The following TENM3 variants were observed in gnomAD, a reference collection of about 807,000 sequenced individuals.
The protein encoded by TENM3 is teneurin transmembrane protein 3.
TENM3 carries 63 observed loss-of-function variants against 255.1 expected under a neutral mutation model. The ratio of observed to expected loss-of-function variants is 0.25; its 90% confidence interval spans 0.20 to 0.30. The LOEUF (loss-of-function observed/expected upper bound fraction) is 0.30. Ranked by LOEUF, TENM3 falls within the 10% of genes least tolerant of loss-of-function variation. TENM3 has a pLI of 1.00. For missense variants in TENM3, 2,929 were observed against 3,461.1 expected, an observed-to-expected ratio of 0.85 and a Z score of 3.86; for synonymous variants, 1,306 against 1,322.3, an observed-to-expected ratio of 0.99 and a Z score of 0.27.
the TENM3 span, among the ~76,000 whole-genome samples, chr4:181,447,869 C>G: frequency 4.6e-5 from 7 of 152,154 alleles, no homozygotes; most frequent in African/African-American, 1.7e-4. Flanking sequence ...CTTTCAGACA[C>G]ACTTCTAAAA....
Position 182,292,943 on chromosome 4 carries a change from C to T in TENM3, c.-75-31003C>T, listed in dbSNP as rs1761217281. On this transcript the variant is annotated intron_variant, in intron 1 of 27. Coordinates refer to ENST00000511685, the MANE Select transcript of TENM3 (RefSeq NM_001080477.4). ...ACACAGTCCCAAGCCCAGGGTACAA[C>T]ATGCTCAGAGACCCAGAGGTGGGAG... 2.0e-5 allele frequency among the ~76,000 whole-genome samples: 3 copies of T among 152,284 alleles called. No individual in the cohort carries two copies. The South Asian group carries it at 6.2e-4, about 32-fold the overall frequency.
At chr4:181,543,695 C>A in the TENM3 span, among the ~76,000 whole-genome samples, 5 of 152,296 alleles carry the variant, frequency 3.3e-5, no homozygotes, top group Admixed American at 2.0e-4. Context: ...GGCCCTGGCA[C>A]CTCCATTCTT....
chr4:181,992,706 T>G, the TENM3 span, among the ~76,000 whole-genome samples: 51 of 152,306 alleles, frequency 3.3e-4, no homozygotes, highest in African/African-American at 1.2e-3. Flanking sequence ...AATGGCTGTT[T>G]CAAATGTGCG....
At chr4:182,539,155 A>G (rs1740620854) in intron 3 of TENM3, among the ~76,000 whole-genome samples, 1 of 151,206 alleles carries the variant, frequency 6.6e-6, no homozygotes. Context: ...ACAAGAGGCT[A>G]CAAAATAGAC....
At chr4:182,074,980 G>A in the TENM3 span, among the ~76,000 whole-genome samples, 1 of 96,934 alleles carries the variant, frequency 1.0e-5, no homozygotes, top group African/African-American at 4.7e-5. Context: ...TGGCATAAGA[G>A]GCTGCAAATT....
In TENM3 at chr4:182,752,042, G is replaced by C; in HGVS notation, c.3862+10G>C. On this transcript the variant is annotated intron_variant, in intron 20 of 27. Coordinates refer to ENST00000511685, the MANE Select transcript of TENM3 (RefSeq NM_001080477.4). ...CTCATGAGTCCCAAAGGTACCGGCA[G>C]TTGGCGATTTGAGGATTTCTTTTTA... 6.9e-7 allele frequency: 1 copy of C among 1,445,884 alleles called. No individual in the cohort carries two copies. Among genetic ancestry groups the C allele is most frequent in the Non-Finnish European group, 9.3e-7 (1 of 1,074,922 alleles). 89.6% of individuals were successfully genotyped at this position (1,445,884 alleles called of 1,614,324 possible).
At chr4:181,804,775 T>C in the TENM3 span, among the ~76,000 whole-genome samples, 1 of 152,136 alleles carries the variant, frequency 6.6e-6, no homozygotes, top group Non-Finnish European at 1.5e-5. Context: ...CTCAGGAGCC[T>C]GAGGCAGGAG....
At chr4:181,928,666 A>C in the TENM3 span, among the ~76,000 whole-genome samples, 2 of 152,154 alleles carry the variant, frequency 1.3e-5, no homozygotes, top group Non-Finnish European at 2.9e-5. Context: ...ATTCAAACTC[A>C]GGAAATAAAG....
intron 1 of TENM3, among the ~76,000 whole-genome samples, chr4:182,268,534 A>C (rs1289622978): frequency 6.6e-6 from 1 of 152,176 alleles, no homozygotes; most frequent in Admixed American, 6.5e-5. Context: ...AAATGAGTCT[A>C]ACCTACTGGG....
chr4:181,700,570 G>A, the TENM3 span, among the ~76,000 whole-genome samples: 71 of 152,298 alleles, frequency 4.7e-4, no homozygotes, highest in Admixed American at 3.2e-3. Context: ...GAGCAGAAGC[G>A]TAAGGATTTT....
chr4:181,912,148 T>C, the TENM3 span, among the ~76,000 whole-genome samples: 38 of 152,326 alleles, frequency 2.5e-4, no homozygotes, highest in African/African-American at 9.1e-4. Flanking sequence ...GGACTGATCT[T>C]CAGCTCAAAT....
the TENM3 span, among the ~76,000 whole-genome samples, chr4:181,719,207 C>T: frequency 6.5e-5 from 9 of 138,794 alleles, no homozygotes; most frequent in Non-Finnish European, 1.2e-4. Context: ...AGCGAGACTC[C>T]GTCTCAAAAA....
chr4:182,049,235 A>G, the TENM3 span, among the ~76,000 whole-genome samples: 1 of 152,192 alleles, frequency 6.6e-6, no homozygotes, highest in Non-Finnish European at 1.5e-5. Flanking sequence ...TGGTTCAAGC[A>G]TGATCTTAGG....
At chr4:181,672,194 C>A in the TENM3 span, among the ~76,000 whole-genome samples, 2 of 152,138 alleles carry the variant, frequency 1.3e-5, no homozygotes, top group Non-Finnish European at 2.9e-5. Context: ...AGTGTCCCAT[C>A]TTGTGCAGAT....
chr4:182,151,657 T>C (rs1383456224), intron 1 of TENM3, among the ~76,000 whole-genome samples: 2 of 151,952 alleles, frequency 1.3e-5, no homozygotes, highest in Non-Finnish European at 2.9e-5. Flanking sequence ...TTTTTTTCTC[T>C]TAGGAGCAAA....
At chr4:182,626,034 A>C (rs953015230) in intron 4 of TENM3, among the ~76,000 whole-genome samples, 1 of 152,256 alleles carries the variant, frequency 6.6e-6, no homozygotes, top group Non-Finnish European at 1.5e-5. Context: ...ATAAAGTTAA[A>C]ATTTCAATGT....
intron 4 of TENM3, among the ~76,000 whole-genome samples, chr4:182,612,548 T>C (rs1388206441): frequency 6.6e-6 from 1 of 152,216 alleles, no homozygotes; most frequent in East Asian, 1.9e-4. Context: ...ACAAGTTTGA[T>C]ATGTAATTAA....
the TENM3 span, chr4:182,079,795 G>A: frequency 2.6e-5 from 4 of 152,368 alleles, no homozygotes; most frequent in East Asian, 1.9e-4. Flanking sequence ...ATTTCGTTTC[G>A]TTCTGAGAGC....
chr4:182,063,753 G>A, the TENM3 span, among the ~76,000 whole-genome samples: 2 of 152,146 alleles, frequency 1.3e-5, no homozygotes, highest in African/African-American at 2.4e-5. Flanking sequence ...GCCCTCCTTG[G>A]TGCTATCACT....
Sources: allele counts gnomAD v4.1 joint callset (sites outside exome capture counted in the v4.1 genomes callset), GRCh38; gene constraint gnomAD v4.1.1; transcripts MANE v1.5; gene names NCBI Gene and HGNC (gene_info 2026-07-23, HGNC 2026-07-21).